Variants in SNX15 observed in about 807,000 individuals in gnomAD.
SNX15 encodes the protein sorting nexin 15.
SNX15 carries 29 observed loss-of-function variants against 35.2 expected under a neutral mutation model. That is an observed-to-expected ratio of 0.82 (90% CI 0.61 to 1.12). The LOEUF (loss-of-function observed/expected upper bound fraction) is 1.12. Among genes scored for constraint, SNX15 ranks in the 50% most tolerant of loss-of-function variants. The probability of loss-of-function intolerance (pLI) is 0.00; values close to 1 mark genes in which losing one functional copy is unlikely to be tolerated. For synonymous variants in SNX15, 189 were observed against 188.2 expected (o/e 1.00, Z -0.03); for missense variants, 400 against 451.5 (o/e 0.89, Z 1.03).
rs1388434671 is a variant in SNX15, at chr11:65,038,761, C to G, written c.854C>G (p.Ala285Gly). The change falls in exon 7 of 8, where the codon GCA (alanine) becomes GGA (glycine). Residue 285 changes from alanine to glycine, a missense_variant. Physicochemically the swap from Ala to Gly is moderately conservative, Grantham distance 60. Transcript: ENST00000377244. ...ACCCAGGCCCTGCGGGATGAGAAGG[C>G]AGGCGCTTACGCTGCTGCACTCCAG... ...LITQALRDEK[A>G]GAYAAALQGY... 9 of 1,600,218 alleles carry G rather than the reference C, an allele frequency of 5.6e-6. No homozygotes were observed. The highest frequency in any genetic ancestry group is 7.7e-6 in the Non-Finnish European group (9 of 1,174,002).
intron 3 of SNX15, among the ~76,000 whole-genome samples, chr11:65,033,327 G>C (rs976006128): frequency 6.6e-6 from 1 of 151,792 alleles, no homozygotes; most frequent in African/African-American, 2.4e-5. Context: ...AGCGAATCAC[G>C]AGATCAGGAG....
In SNX15 at chr11:65,035,150, G is replaced by A. The variant is rs780682677; in HGVS notation, c.464G>A (p.Arg155Gln). Residue 155 changes from arginine to glutamine, a missense_variant, in exon 5 of 8, where the codon CGG (arginine) becomes CAG (glutamine). Transcript: ENST00000377244. Reference sequence around the variant, plus strand: ...CCCACCCCGCCCCCTGATGACCCCCGGCTATCCCAACTGCTCCCTGCAGAA... The same window carrying A: ...CCCACCCCGCCCCCTGATGACCCCCAGCTATCCCAACTGCTCCCTGCAGAA... ...LIPTPPPDDP[R>Q]LSQLLPAERR... 1.9e-4 allele frequency: 229 copies of A among 1,181,384 alleles called. No homozygotes were observed. Among genetic ancestry groups the A allele is most frequent in the Middle Eastern group, 7.3e-4 (3 of 4,126 alleles). 73.2% of individuals were successfully genotyped at this position (1,181,384 alleles called of 1,614,324 possible).
At chr11:65,032,249 T>C in intron 2 of SNX15, 46 bp downstream of exon 2, 1 of 1,603,420 alleles carries the variant, frequency 6.2e-7, no homozygotes, top group Non-Finnish European at 8.5e-7. Flanking sequence ...GTTCCAGATC[T>C]GGAAACTGTC....
chr11:65,038,589 C>T lies in SNX15; in HGVS notation c.682C>T (p.Pro228Ser), dbSNP rs267603110. The change falls in exon 7 of 8, where the codon CCC (proline) becomes TCC (serine). Residue 228 changes from proline (P) to serine (S), a missense_variant. Transcript: ENST00000377244. ...AACTGCAGAAGGCGCAGCCCCCAGC[C>T]CCACCCATGTGGCTGAGCTGGCAAC... ...FSKEEGAAPSPTHVAELATME... is the reference protein window; with the variant it reads ...FSKEEGAAPSSTHVAELATME... The T allele has an allele frequency of 6.4e-7, 1 of 1,569,862 alleles. No individual in the cohort carries two copies. Among genetic ancestry groups the T allele is most frequent in the Non-Finnish European group, 8.6e-7 (1 of 1,157,736 alleles).
In SNX15 at chr11:65,040,177, A is replaced by G. The variant is rs529452580; in HGVS notation, c.*385A>G. 9.9e-5 allele frequency: 18 copies of G among 182,114 alleles called. No individual in the cohort carries two copies. Among genetic ancestry groups the G allele is most frequent in the South Asian group, 9.0e-4 (9 of 9,950 alleles). 11.3% of individuals were successfully genotyped at this position (182,114 alleles called of 1,614,324 possible). A position where few individuals can be genotyped will look rare whatever the true frequency, so the allele number is the denominator to read the frequency against. On this transcript the variant is annotated 3_prime_UTR_variant, in exon 8 of 8. Transcript: ENST00000377244. ...CCACCACGCCCAGCTAATATTTTGT[A>G]TTTTCAGTAGGGACGGGGTTACACC...
intron 1 of SNX15, among the ~76,000 whole-genome samples, chr11:65,031,117 T>C (rs2136928638): frequency 6.6e-6 from 1 of 152,278 alleles, no homozygotes; most frequent in South Asian, 2.1e-4. Flanking sequence ...CTTAACATGC[T>C]CAAGTGATCC....
intron 3 of SNX15, among the ~76,000 whole-genome samples, chr11:65,034,284 G>A (rs879742744): frequency 2.0e-5 from 3 of 152,174 alleles, no homozygotes; most frequent in Non-Finnish European, 4.4e-5. Context: ...AGCCAGGCAT[G>A]ATTGTGTGCA....
chr11:65,032,600 G>A (rs1288806631), intron 3 of SNX15, 49 bp downstream of exon 3: 1 of 1,611,410 alleles, frequency 6.2e-7, no homozygotes, highest in Non-Finnish European at 8.5e-7. Flanking sequence ...GGAGCATTGG[G>A]CAAAAGGGGA....
At chr11:65,029,717 T>C (rs1450224499) in intron 1 of SNX15, among the ~76,000 whole-genome samples, 2 of 147,026 alleles carry the variant, frequency 1.4e-5, no homozygotes, top group African/African-American at 2.5e-5. Context: ...GCTGGGATTA[T>C]AGGCGTGTGC....
Position 65,035,094 on chromosome 11 carries a change from G to A in SNX15, c.408G>A (p.Arg136=), listed in dbSNP as rs1247616149. 1.2e-6 allele frequency: 2 copies of A among 1,612,216 alleles called. No individual in the cohort carries two copies. The highest frequency in any genetic ancestry group is 1.7e-6 in the Non-Finnish European group (2 of 1,179,392). The part of the protein sequence containing the change: ...GEVTRPLEVS[R]DLHILPPPLI... ...TGACCCGACCCTTGGAGGTGTCCAG[G>A]GACCTACACATCCTGCCACCCCCTC... The change falls in exon 5 of 8, where the codon AGG becomes AGA. Residue 136 remains arginine, a synonymous_variant. Transcript: ENST00000377244.
At chr11:65,027,858 C>G (rs1395437667) in intron 1 of SNX15, among the ~76,000 whole-genome samples, 1 of 152,176 alleles carries the variant, frequency 6.6e-6, no homozygotes, top group African/African-American at 2.4e-5. Context: ...GACGGCCGTT[C>G]CCGGACAGGC....
intron 1 of SNX15, among the ~76,000 whole-genome samples, chr11:65,028,441 G>A (rs1032089290): frequency 3.3e-5 from 5 of 152,172 alleles, no homozygotes; most frequent in African/African-American, 1.2e-4. Flanking sequence ...AGGCACATAA[G>A]GACACTTCCA....
At position 65,029,896 on chromosome 11, in the gene SNX15, ATTTT is replaced by A. The variant is rs1946421799; in HGVS notation, c.99+2261_99+2264del. On this transcript the variant is annotated intron_variant, in intron 1 of 7. Coordinates refer to ENST00000377244, the MANE Select transcript of SNX15 (RefSeq NM_013306.5). Reference sequence around the variant, plus strand: ...CTGGCCTATATTTTTATTTTATTTTATTTTATTTGCGACGGGGTCTTGCTCTGTC... The same window carrying A: ...CTGGCCTATATTTTTATTTTATTTTAATTTGCGACGGGGTCTTGCTCTGTC... 2.6e-5 allele frequency among the ~76,000 whole-genome samples: 4 copies of A among 151,434 alleles called. No individual in the cohort carries two copies. The South Asian group carries it at 8.3e-4, about 31-fold the overall frequency.
Position 65,038,663 on chromosome 11 carries a change from A to C in SNX15, c.756A>C (p.Gly252=). The stretch of plus-strand genomic sequence containing the variant: ...TGGACCAGGAACCCTGGGAGCCAGG[A>C]GGGCAGGAGGAGGAAGAGGATGGGG... ...ARLDQEPWEP[G]GQEEEEDGEG... Residue 252 remains glycine, a synonymous_variant, in exon 7 of 8, where the codon GGA becomes GGC. Coordinates refer to ENST00000377244, the MANE Select transcript of SNX15 (RefSeq NM_013306.5). The C allele has an allele frequency of 8.7e-6, 14 of 1,612,774 alleles. No homozygotes were observed. Among genetic ancestry groups the C allele is most frequent in the Non-Finnish European group, 1.2e-5 (14 of 1,179,514 alleles).
intron 3 of SNX15, among the ~76,000 whole-genome samples, chr11:65,033,454 G>C (rs1046637219): frequency 2.4e-4 from 35 of 145,960 alleles, no homozygotes; most frequent in African/African-American, 8.9e-4. Flanking sequence ...TGAGGAAGGA[G>C]AATCGCTTGA....
chr11:65,039,817 C>T lies in SNX15; in HGVS notation c.*25C>T. 2.0e-6 allele frequency: 3 copies of T among 1,509,998 alleles called. No individual in the cohort carries two copies. The highest frequency in any genetic ancestry group is 9.1e-7 in the Non-Finnish European group (1 of 1,093,438). 93.5% of individuals were successfully genotyped at this position (1,509,998 alleles called of 1,614,324 possible). ...ACAGGGAGTGGGCCATTCCCTGGGACTCTCGCTCCTGCACTGCCAGCCCCT... is the reference window on the plus strand; with the variant it reads ...ACAGGGAGTGGGCCATTCCCTGGGATTCTCGCTCCTGCACTGCCAGCCCCT... On this transcript the variant is annotated 3_prime_UTR_variant, in exon 8 of 8. Coordinates refer to ENST00000377244, the MANE Select transcript of SNX15 (RefSeq NM_013306.5).
intron 3 of SNX15, among the ~76,000 whole-genome samples, chr11:65,033,805 C>T (rs1946468762): frequency 1.3e-5 from 2 of 151,980 alleles, no homozygotes; most frequent in East Asian, 3.9e-4. Flanking sequence ...CAGGTTTGAG[C>T]GATTCTCCTG....
At chr11:65,034,572 A>G (rs1233938906) in intron 3 of SNX15, among the ~76,000 whole-genome samples, 7 of 152,230 alleles carry the variant, frequency 4.6e-5, no homozygotes, top group Admixed American at 4.6e-4. Flanking sequence ...GATATTCACA[A>G]GGGCAGAGAC....
chr11:65,027,912 G>A (rs1048973137), intron 1 of SNX15, among the ~76,000 whole-genome samples: 11 of 152,200 alleles, frequency 7.2e-5, no homozygotes, highest in Non-Finnish European at 4.4e-5. Flanking sequence ...CTGGGCATCA[G>A]GCTGTGAATT....
Sources: allele counts gnomAD v4.1 joint callset (sites outside exome capture counted in the v4.1 genomes callset), GRCh38; gene constraint gnomAD v4.1.1; transcripts MANE v1.5; gene names NCBI Gene and HGNC (gene_info 2026-07-23, HGNC 2026-07-21).